The following ANK2 variants were observed in gnomAD, a reference collection of about 807,000 sequenced individuals.
The protein encoded by ANK2 is ankyrin 2.
In ANK2, 83 loss-of-function variants were observed where a neutral mutation model predicts 360.5. That is an observed-to-expected ratio of 0.23 (90% CI 0.19 to 0.28). ANK2 has a LOEUF of 0.28. Ranked by LOEUF, ANK2 falls within the 10% of genes least tolerant of loss-of-function variation. The pLI is 1.00. For synonymous variants in ANK2, 1,740 were observed against 1,759.5 expected (o/e 0.99, Z 0.28); for missense variants, 4,201 against 4,795.7 (o/e 0.88, Z 3.66).
intron 23 of ANK2, among the ~76,000 whole-genome samples, chr4:113,305,843 A>C (rs1425674917): frequency 2.0e-5 from 3 of 152,206 alleles, no homozygotes; most frequent in Non-Finnish European, 2.9e-5. Context: ...ACCCAAAAAG[A>C]GTATTCAAAC....
chr4:112,932,924 A>C (rs2093396319), intron 2 of ANK2, among the ~76,000 whole-genome samples: 1 of 152,168 alleles, frequency 6.6e-6, no homozygotes, highest in African/African-American at 2.4e-5. Context: ...CTGTTATTGT[A>C]CCTTTTTCTA....
In ANK2 at chr4:113,317,721, G is replaced by T; in HGVS notation, c.2708G>T (p.Ser903Ile). 1 of 1,613,984 alleles carries T rather than the reference G, an allele frequency of 6.2e-7. No individual in the cohort carries two copies. The highest frequency in any genetic ancestry group is 8.5e-7 in the Non-Finnish European group (1 of 1,179,966). The change falls in exon 25 of 46, where the codon AGT becomes ATT. Residue 903 changes from serine (S) to isoleucine (I), a missense_variant. By Grantham distance (142) the Ser-to-Ile change is moderately radical. Transcript: ENST00000357077. ...GGRSDSLRSFSSDRSHTLSHA... is the reference protein window; with the variant it reads ...GGRSDSLRSFISDRSHTLSHA... ...CAACCTACCAGCCTTCGATCCTTCAGTTCCGACAGGTCTCACACTCTGAGC... is the reference window on the plus strand; with the variant it reads ...CAACCTACCAGCCTTCGATCCTTCATTTCCGACAGGTCTCACACTCTGAGC...
At chr4:113,007,659 T>A (rs2053357338) in intron 2 of ANK2, among the ~76,000 whole-genome samples, 1 of 152,148 alleles carries the variant, frequency 6.6e-6, no homozygotes, top group Non-Finnish European at 1.5e-5. Context: ...ACAGAATTTA[T>A]TGATGATAAG....
intron 1 of ANK2, among the ~76,000 whole-genome samples, chr4:113,110,749 A>G (rs2094203401): frequency 6.6e-6 from 1 of 152,104 alleles, no homozygotes; most frequent in African/African-American, 2.4e-5. Context: ...AGTATTCTAT[A>G]TTTATCGTAG....
intron 32 of ANK2, 152 bp downstream of exon 32, chr4:113,339,474 T>G (rs1260832689): frequency 2.9e-6 from 2 of 689,932 alleles, no homozygotes; most frequent in Non-Finnish European, 5.1e-6. Context: ...TTAAACTAGA[T>G]CTGTCAGCAA....
chr4:112,861,869 A>AGAGAGAGAGAGAGAGAGAG lies in ANK2; in HGVS notation c.-39-42586_-39-42585insGAGAGAGAGAGAGAGAGAG, dbSNP rs773734914. Among the ~76,000 whole-genome samples, 602 of 69,192 alleles carry AGAGAGAGAGAGAGAGAGAG rather than the reference A, an allele frequency of 8.7e-3. 3 individuals carry two copies. Among genetic ancestry groups the AGAGAGAGAGAGAGAGAGAG allele is most frequent in the African/African-American group, 0.029 (543 of 18,702 alleles). 45.4% of individuals were successfully genotyped at this position (69,192 alleles called of 152,430 possible). On this transcript the variant is annotated intron_variant, in intron 1 of 30. Coordinates refer to the ANK2 transcript ENST00000503271. ...AGAGAGAGAGAGAGAGAGAGAGAGA[A>AGAGAGAGAGAGAGAGAGAG]ACTCTCACAGTTTATGCGAGAGTCA...
At chr4:113,305,122 C>T (rs188689167) in intron 23 of ANK2, among the ~76,000 whole-genome samples, 6,078 of 151,486 alleles carry the variant, frequency 0.04, 147 homozygotes, top group Non-Finnish European at 0.059. Context: ...GGGCGGATCA[C>T]GAGGTCAGGA....
chr4:113,206,044 C>T (rs964322081), intron 4 of ANK2, among the ~76,000 whole-genome samples: 15 of 151,868 alleles, frequency 9.9e-5, no homozygotes, highest in African/African-American at 3.6e-4. Flanking sequence ...AGGGTTTTCC[C>T]CCAAAATATA....
chr4:113,221,706 G>A (rs1452901257), intron 4 of ANK2, among the ~76,000 whole-genome samples: 3 of 151,634 alleles, frequency 2.0e-5, no homozygotes, highest in Admixed American at 2.0e-4. Context: ...TCAGTAAAAT[G>A]ACAATGTAGA....
chr4:112,727,992 A>G, the ANK2 span, among the ~76,000 whole-genome samples: 4 of 151,578 alleles, frequency 2.6e-5, no homozygotes, highest in South Asian at 8.3e-4. Context: ...GAAAACAAAA[A>G]GAAAAAAAAT....
the ANK2 span, among the ~76,000 whole-genome samples, chr4:112,786,258 A>C: frequency 3.9e-5 from 6 of 152,140 alleles, no homozygotes; most frequent in Admixed American, 1.3e-4. Context: ...AAAAAAAAAA[A>C]AAACTAAATT....
chr4:112,799,810 G>T, the ANK2 span, among the ~76,000 whole-genome samples: 5 of 143,796 alleles, frequency 3.5e-5, no homozygotes, highest in Admixed American at 3.7e-4. Context: ...GAGCCACCGC[G>T]CCCAGCCCAC....
chr4:113,291,270 C>T (rs555607958), intron 20 of ANK2, among the ~76,000 whole-genome samples: 1 of 152,306 alleles, frequency 6.6e-6, no homozygotes, highest in South Asian at 2.1e-4. Context: ...AGAAGTATCG[C>T]TTAGTGTATT....
intron 2 of ANK2, among the ~76,000 whole-genome samples, chr4:112,966,171 T>G (rs2037142621): frequency 6.6e-6 from 1 of 151,744 alleles, no homozygotes; most frequent in Non-Finnish European, 1.5e-5. Flanking sequence ...ATGACATGTT[T>G]CCTTTTCTTT....
intron 2 of ANK2, among the ~76,000 whole-genome samples, chr4:112,913,380 G>A (rs116678842): frequency 1.1e-4 from 16 of 152,264 alleles, no homozygotes; most frequent in Non-Finnish European, 1.8e-4. Context: ...ACCTAGGCTT[G>A]CCTTGAACTC....
intron 1 of ANK2, among the ~76,000 whole-genome samples, chr4:113,051,269 C>G (rs1250928973): frequency 6.6e-6 from 1 of 152,042 alleles, no homozygotes; most frequent in Non-Finnish European, 1.5e-5. Context: ...TTTCAAAATC[C>G]CGTATTTTCT....
intron 2 of ANK2, chr4:113,034,605 C>T (rs1368174443): frequency 1.3e-5 from 2 of 151,966 alleles, no homozygotes; most frequent in African/African-American, 4.8e-5. Context: ...GAAGCTGGCA[C>T]TTAGCAGGTG....
the ANK2 span, among the ~76,000 whole-genome samples, chr4:112,716,453 T>A: frequency 2.4e-4 from 37 of 152,300 alleles, no homozygotes; most frequent in South Asian, 7.7e-3. Flanking sequence ...GCTTTCAAAA[T>A]AATAAAATAC....
intron 2 of ANK2, among the ~76,000 whole-genome samples, chr4:112,927,645 C>T (rs183890373): frequency 6.6e-6 from 1 of 152,124 alleles, no homozygotes; most frequent in Non-Finnish European, 1.5e-5. Context: ...TCAGATTTGT[C>T]AAGAAAAATC....
Sources: allele counts gnomAD v4.1 joint callset (sites outside exome capture counted in the v4.1 genomes callset), GRCh38; gene constraint gnomAD v4.1.1; transcripts MANE v1.5; gene names NCBI Gene and HGNC (gene_info 2026-07-23, HGNC 2026-07-21).